The following DSC3 variants were observed in gnomAD, a reference collection of about 807,000 sequenced individuals.
DSC3 encodes the protein desmocollin-3.
DSC3 carries 97 observed loss-of-function variants against 89.5 expected under a neutral mutation model. The observed-to-expected ratio is 1.08, with a 90% CI of 0.92 to 1.28. The LOEUF (loss-of-function observed/expected upper bound fraction) is 1.28. Ranked by LOEUF, DSC3 falls within the 50% of genes most tolerant of loss-of-function variation. The probability of loss-of-function intolerance (pLI) is 0.00; values close to 1 mark genes in which losing one functional copy is unlikely to be tolerated. For synonymous variants in DSC3, 436 were observed against 384.1 expected, an observed-to-expected ratio of 1.14 and a Z score of -1.58; for missense variants, 1,199 against 1,085.3, an observed-to-expected ratio of 1.10 and a Z score of -1.47.
rs916624083 is a variant in DSC3, at chr18:30,993,167, G to C, written c.*1008C>G. On this transcript the variant is annotated 3_prime_UTR_variant, in exon 16 of 16. Transcript: ENST00000360428. ...AATAGAGGATTTAACTTCAGTAAAG[G>C]TAAGTTTTAAAATGTTTTTGTTATT... 2.6e-5 allele frequency: 4 copies of C among 152,102 alleles called. No individual in the cohort carries two copies. Among genetic ancestry groups the C allele is most frequent in the African/African-American group, 9.7e-5 (4 of 41,410 alleles). The allele number at this position is 152,102 out of a possible 1,614,324, so 9.4% of individuals were successfully genotyped here. A position where few individuals can be genotyped will look rare whatever the true frequency, so the allele number is the denominator to read the frequency against.
Position 31,031,097 on chromosome 18 carries a change from C to T in DSC3, c.230G>A (p.Gly77Glu), listed in dbSNP as rs755333282. ...SDPDFRVLND[G>E]SVYTARAVAL... The stretch of plus-strand genomic sequence containing the variant: ...AACAGCCCTGGCTGTGTACACTGAC[C>T]CATCATTTAGAACTCTGAAATCAGG... Residue 77 changes from glycine (G) to glutamate (E), a missense_variant, in exon 3 of 16, where the codon GGG becomes GAG. Coordinates refer to ENST00000360428, the MANE Select transcript of DSC3 (RefSeq NM_001941.5). The T allele has an allele frequency of 6.2e-7, 1 of 1,613,684 alleles. No homozygotes were observed. The highest frequency in any genetic ancestry group is 1.7e-5 in the Admixed American group (1 of 59,988).
chr18:31,026,027 G>T, intron 4 of DSC3, 112 bp from the exon 5 acceptor site: 4 of 1,096,898 alleles, frequency 3.6e-6, no homozygotes, highest in Admixed American at 2.4e-5. Context: ...CAAAAGAAAA[G>T]GTAGAAAAGA....
In DSC3 at chr18:31,029,631, G is replaced by A; in HGVS notation, c.355-3C>T. On this transcript the variant is annotated splice_region_variant and splice_polypyrimidine_tract_variant and intron_variant, in intron 3 of 15. Coordinates refer to ENST00000360428, the MANE Select transcript of DSC3 (RefSeq NM_001941.5). ...CTAGTGTGTCTTGTCTTCGATACCT[G>A]AATTTAGAGAAAAACAAATACATGA... is the stretch of plus-strand genomic sequence containing the variant. The A allele has an allele frequency of 6.2e-7, 1 of 1,613,604 alleles. No individual in the cohort carries two copies. Among genetic ancestry groups the A allele is most frequent in the Non-Finnish European group, 8.5e-7 (1 of 1,179,556 alleles).
chr18:30,997,112 G>T (rs982543078), intron 14 of DSC3, 64 bp from the exon 15 acceptor site: 12 of 1,568,936 alleles, frequency 7.6e-6, no homozygotes, highest in Non-Finnish European at 1.1e-5. Flanking sequence ...TCATGAGAAG[G>T]CAAAGGAGAG....
chr18:30,999,951 G>A (rs1249306171), intron 14 of DSC3, among the ~76,000 whole-genome samples: 2 of 152,014 alleles, frequency 1.3e-5, no homozygotes, highest in East Asian at 1.9e-4. Context: ...GCATTAAATG[G>A]CAAAGAACAG....
At chr18:31,030,826 A>G in intron 3 of DSC3, 147 bp downstream of exon 3, 2 of 742,592 alleles carry the variant, frequency 2.7e-6, no homozygotes, top group Non-Finnish European at 4.5e-6. Context: ...GGAAAAGGGT[A>G]AGAAAATGGA....
In DSC3 at chr18:30,998,857, G is replaced by C. The variant is rs868814723; in HGVS notation, c.2236-1809C>G. On this transcript the variant is annotated intron_variant, in intron 14 of 15. Coordinates refer to ENST00000360428, the MANE Select transcript of DSC3 (RefSeq NM_001941.5). ...GTATAAGCGCCCATTGGATTTAAGT[G>C]AAAGAATAGCCATTGATGAGCTTTG... 2.5e-4 allele frequency among the ~76,000 whole-genome samples: 38 copies of C among 152,304 alleles called. No individual in the cohort carries two copies. The Middle Eastern group carries it at 0.02, about 82-fold the overall frequency.
At position 30,994,480 on chromosome 18, in the gene DSC3, T is replaced by G. The variant is rs755355323; in HGVS notation, c.2494-108A>C. 1.4e-5 allele frequency: 22 copies of G among 1,593,826 alleles called. No homozygotes were observed. The highest frequency in any genetic ancestry group is 6.7e-5 in the Admixed American group (4 of 59,798). On this transcript the variant is annotated intron_variant, in intron 15 of 15. Transcript: ENST00000360428. ...TTTTATGTTTAATTTTTAACCAGTG[T>G]GTCCTCTAATGGATTCCTACACACA...
rs932975126 is a variant in DSC3 at position 31,004,733 on chromosome 18, G to T, written c.1889-367C>A. 2.0e-5 allele frequency among the ~76,000 whole-genome samples: 3 copies of T among 152,022 alleles called. No individual in the cohort carries two copies. The South Asian group carries it at 6.2e-4, about 31-fold the overall frequency. Reference sequence around the variant, plus strand: ...CACACAAATAGTTTCTGAAGTTTACGTTTCTTATCCATTGACCTTCTAGTA... The same window carrying T: ...CACACAAATAGTTTCTGAAGTTTACTTTTCTTATCCATTGACCTTCTAGTA... On this transcript the variant is annotated intron_variant, in intron 12 of 15. Transcript: ENST00000360428.
At chr18:31,030,027 T>A (rs746630644) in intron 3 of DSC3, among the ~76,000 whole-genome samples, 10 of 152,154 alleles carry the variant, frequency 6.6e-5, no homozygotes, top group Non-Finnish European at 1.2e-4. Context: ...AGAAAGAAAA[T>A]GTATGTCCTT....
chr18:31,018,582 A>T, intron 8 of DSC3, 84 bp downstream of exon 8: 1 of 1,418,550 alleles, frequency 7.0e-7, no homozygotes, highest in Non-Finnish European at 9.9e-7. Flanking sequence ...ATGATACTTC[A>T]TGAAGTATTA....
intron 4 of DSC3, among the ~76,000 whole-genome samples, chr18:31,028,183 C>T (rs914414561): frequency 3.3e-5 from 5 of 152,044 alleles, no homozygotes; most frequent in African/African-American, 1.2e-4. Flanking sequence ...TGACTGAGCC[C>T]TGGAGCTCTC....
At chr18:31,001,089 G>GTATATATATATATATATATA (rs67608580) in intron 14 of DSC3, among the ~76,000 whole-genome samples, 15 of 126,034 alleles carry the variant, frequency 1.2e-4, no homozygotes, top group East Asian at 9.1e-4. Context: ...TTGTGTGTGT[G>GTATATATATATATATATATA]TATATATATA....
chr18:30,994,307 G>C lies in DSC3; in HGVS notation c.2559C>G (p.Asn853Lys), dbSNP rs1984380393. Reference protein sequence around the residue: ...MPSQDYVLTYNYEGRGSPAGS... With the variant: ...MPSQDYVLTYKYEGRGSPAGS... ...CAGCTGGAGATCCTCTTCCCTCATA[G>C]TTATAAGTGAGGACATAATCTTGGG... Residue 853 changes from asparagine (N) to lysine (K), a missense_variant, in exon 16 of 16, where the codon AAC (asparagine) becomes AAG (lysine). Coordinates refer to ENST00000360428, the MANE Select transcript of DSC3 (RefSeq NM_001941.5). 6.2e-7 allele frequency: 1 copy of C among 1,613,992 alleles called. No individual in the cohort carries two copies. The highest frequency in any genetic ancestry group is 8.5e-7 in the Non-Finnish European group (1 of 1,179,954).
Position 31,004,144 on chromosome 18 carries a change from A to G in DSC3, c.2111T>C (p.Phe704Ser). ...LAILLGIALL[F>S]SVLLTLVCGV... is the part of the protein sequence containing the mutation. ...TTCAAGAAAGTGAAAATACTTACAA[A>G]AGAGCAGTGCTATACCCAGTAATAT... The change falls in exon 13 of 16, where the codon TTT becomes TCT. Residue 704 changes from phenylalanine to serine, a missense_variant and splice_region_variant. Physicochemically the swap from Phe to Ser is radical, Grantham distance 155. Transcript: ENST00000360428. 1 of 1,605,734 alleles carries G rather than the reference A, an allele frequency of 6.2e-7. No individual in the cohort carries two copies.
At chr18:30,994,486 C>T in intron 15 of DSC3, 114 bp from the exon 16 acceptor site, 1 of 1,592,178 alleles carries the variant, frequency 6.3e-7, no homozygotes, top group Non-Finnish European at 8.6e-7. Flanking sequence ...AGTGTGTCCT[C>T]TAATGGATTC....
chr18:31,029,617 T>G lies in DSC3; in HGVS notation c.366A>C (p.Thr122=). 1 of 1,613,794 alleles carries G rather than the reference T, an allele frequency of 6.2e-7. No homozygotes were observed. The part of the protein sequence containing the change: ...LLEHQKKVSK[T]RHTRETVLRR... The stretch of plus-strand genomic sequence containing the variant: ...TGAGAACAGTTTCTCTAGTGTGTCT[T>G]GTCTTCGATACCTGAATTTAGAGAA... Residue 122 remains threonine, a synonymous_variant, in exon 4 of 16, where the codon ACA becomes ACC. Coordinates refer to ENST00000360428, the MANE Select transcript of DSC3 (RefSeq NM_001941.5).
At chr18:31,023,986 T>A (rs958772448) in intron 6 of DSC3, among the ~76,000 whole-genome samples, 1 of 152,118 alleles carries the variant, frequency 6.6e-6, no homozygotes, top group African/African-American at 2.4e-5. Context: ...AGAAAAAAAC[T>A]ATACCGATTT....
chr18:31,017,845 A>G (rs185779594), intron 9 of DSC3, among the ~76,000 whole-genome samples: 2 of 152,286 alleles, frequency 1.3e-5, no homozygotes, highest in African/African-American at 4.8e-5. Flanking sequence ...CAATGGAGCT[A>G]TGGAGATCCT....
Sources: gnomAD v4.1 joint callset for allele counts (sites outside exome capture counted in the v4.1 genomes callset) on GRCh38, gnomAD v4.1.1 for gene constraint, MANE v1.5 for transcripts, NCBI Gene and HGNC (gene_info 2026-07-23, HGNC 2026-07-21) for gene names.